Variants in CAPN10 observed in about 807,000 individuals in gnomAD.
The protein encoded by CAPN10 is calpain-10.
Under a neutral mutation model 78.4 loss-of-function variants are expected in CAPN10, and 71 were observed. The ratio of observed to expected loss-of-function variants is 0.91; its 90% CI spans 0.75 to 1.10. CAPN10 has a LOEUF of 1.10. Ranked by LOEUF, CAPN10 falls within the 50% of genes least tolerant of loss-of-function variation. The pLI is 0.00. For synonymous variants in CAPN10, 437 were observed against 407.2 expected (o/e 1.07, Z -0.88); for missense variants, 849 against 924.6 (o/e 0.92, Z 1.06).
Position 240,594,702 on chromosome 2 carries a change from C to A in CAPN10, c.990C>A (p.Leu330=), listed in dbSNP as rs1386974103. The change falls in exon 6 of 12, where the codon CTC becomes CTA. Residue 330 remains leucine (L), a synonymous_variant. Coordinates refer to ENST00000391984, the MANE Select transcript of CAPN10 (RefSeq NM_023083.4). ...PVTEAGHLQS[L]YTERLLCHTR... is the part of the protein sequence containing the mutation. ...CGGAGGCCGGCCACCTGCAGAGCCT[C>A]TACACAGGTAGTGCCCCGAGGGGCT... 3 of 1,612,954 alleles carry A rather than the reference C, an allele frequency of 1.9e-6. No homozygotes were observed. Among genetic ancestry groups the A allele is most frequent in the Non-Finnish European group, 2.5e-6 (3 of 1,179,724 alleles).
intron 1 of CAPN10, among the ~76,000 whole-genome samples, chr2:240,588,004 A>T (rs2093078799): frequency 6.6e-6 from 1 of 152,168 alleles, no homozygotes; most frequent in Non-Finnish European, 1.5e-5. Context: ...GACTGTTAGG[A>T]TGTGGGTTTG....
intron 5 of CAPN10, 144 bp from the exon 6 acceptor site, chr2:240,594,399 G>A: frequency 1.2e-6 from 1 of 808,046 alleles, no homozygotes; most frequent in South Asian, 1.7e-5. Flanking sequence ...TTCGGGTGTG[G>A]GAGGGGCTGC....
At position 240,591,835 on chromosome 2, in the gene CAPN10, A is replaced by T. The variant is rs2093103527; in HGVS notation, c.471-98A>T. Reference sequence around the variant, plus strand: ...GGGAGTAAAGAGGTGGGATTGAGGCAGCGGTTGGACGATTTGGGGTGCTAC... The same window carrying T: ...GGGAGTAAAGAGGTGGGATTGAGGCTGCGGTTGGACGATTTGGGGTGCTAC... On this transcript the variant is annotated intron_variant, in intron 3 of 11. Coordinates refer to ENST00000391984, the MANE Select transcript of CAPN10 (RefSeq NM_023083.4). The T allele has an allele frequency of 4.8e-6, 5 of 1,038,100 alleles. No individual in the cohort carries two copies. In the South Asian group the frequency reaches 6.0e-5, roughly 13 times the overall value. 64.3% of individuals were successfully genotyped at this position (1,038,100 alleles called of 1,614,324 possible).
intron 11 of CAPN10, 26 bp from the exon 12 acceptor site, chr2:240,598,624 GC>G: frequency 1.3e-6 from 2 of 1,569,520 alleles, no homozygotes; most frequent in Non-Finnish European, 1.7e-6. Flanking sequence ...TGCCACCGCT[GC>G]CCGGGCCCCC....
At chr2:240,594,785 C>G in intron 6 of CAPN10, 76 bp downstream of exon 6, 2 of 1,484,320 alleles carry the variant, frequency 1.3e-6, no homozygotes, top group Non-Finnish European at 1.8e-6. Context: ...GCCTGGGTTC[C>G]CCCTGCCCAG....
At position 240,586,747 on chromosome 2, in the gene CAPN10, G is replaced by A. The variant is rs922600957; in HGVS notation, c.-165G>A. 2 of 535,758 alleles carry A rather than the reference G, an allele frequency of 3.7e-6. No homozygotes were observed. The highest frequency in any genetic ancestry group is 5.7e-6 in the Non-Finnish European group (2 of 353,186). The allele number at this position is 535,758 out of a possible 1,614,324, so 33.2% of individuals were successfully genotyped here. Reference sequence around the variant, plus strand: ...GTTACCAATGGGAGACTAGCGGGCCGGCGTACTGGCCTGGTCCAGCACCTG... The same window carrying A: ...GTTACCAATGGGAGACTAGCGGGCCAGCGTACTGGCCTGGTCCAGCACCTG... On this transcript the variant is annotated 5_prime_UTR_variant, in exon 1 of 12. Transcript: ENST00000391984.
At position 240,589,465 on chromosome 2, in the gene CAPN10, C is replaced by T; in HGVS notation, c.264C>T (p.Leu88=). 1 of 1,612,670 alleles carries T rather than the reference C, an allele frequency of 6.2e-7. No individual in the cohort carries two copies. Among genetic ancestry groups the T allele is most frequent in the South Asian group, 1.1e-5 (1 of 91,040 alleles). ...CCGCGCTGCAGAAGAGCAGGCACCT[C>T]CTGGACCAGGTGCGGGGCCCCTTCC... ...ACAALQKSRH[L]LDQVIPPGQP... is the part of the protein sequence containing the mutation. The change falls in exon 2 of 12, where the codon CTC becomes CTT. Residue 88 remains leucine, a synonymous_variant. Transcript: ENST00000391984.
chr2:240,590,884 C>G lies in CAPN10; in HGVS notation c.343C>G (p.Gln115Glu). 1 of 1,614,236 alleles carries G rather than the reference C, an allele frequency of 6.2e-7. No homozygotes were observed. The highest frequency in any genetic ancestry group is 8.5e-7 in the Non-Finnish European group (1 of 1,180,044). ...YRGSFTCRIW[Q>E]FGRWVEVTTD... ...GGGCTCCTTCACCTGTCGCATTTGG[C>G]AGTTTGGACGCTGGGTGGAGGTGAC... Residue 115 changes from glutamine to glutamate, a missense_variant, in exon 3 of 12, where the codon CAG (glutamine) becomes GAG (glutamate). By Grantham distance (29) the Gln-to-Glu change is conservative (BLOSUM62 2). Transcript: ENST00000391984.
Position 240,598,054 on chromosome 2 carries a change from C to T in CAPN10, c.1910C>T (p.Ala637Val), listed in dbSNP as rs757147265. ...ACCTACCTGCCGGACACAGAGGGGG[C>T]CTTCACAGTGACCATCGCAACCAGG... ...PSTYLPDTEG[A>V]FTVTIATRID... is the part of the protein sequence containing the mutation. The change falls in exon 10 of 12, where the codon GCC becomes GTC. Residue 637 changes from alanine to valine, a missense_variant. Ala to Val is a moderately conservative substitution (Grantham distance 64). Coordinates refer to ENST00000391984, the MANE Select transcript of CAPN10 (RefSeq NM_023083.4). 6.2e-7 allele frequency: 1 copy of T among 1,611,726 alleles called. No individual in the cohort carries two copies. Among genetic ancestry groups the T allele is most frequent in the Non-Finnish European group, 8.5e-7 (1 of 1,178,774 alleles).
rs142113962 is a variant in CAPN10 at position 240,589,441 on chromosome 2, C to T, written c.240C>T (p.Ala80=). 28 of 1,613,832 alleles carry T rather than the reference C, an allele frequency of 1.7e-5. No homozygotes were observed. The highest frequency in any genetic ancestry group is 9.3e-5 in the African/African-American group (7 of 75,048). The change falls in exon 2 of 12, where the codon GCC becomes GCT. Residue 80 remains alanine (A), a synonymous_variant. Coordinates refer to ENST00000391984, the MANE Select transcript of CAPN10 (RefSeq NM_023083.4). The stretch of plus-strand genomic sequence containing the variant: ...ATTGCTGGTTCCTGTGTGCCTGCGC[C>T]GCGCTGCAGAAGAGCAGGCACCTCC... ...LGDCWFLCAC[A]ALQKSRHLLD...
chr2:240,589,236 A>T, intron 1 of CAPN10, 107 bp from the exon 2 acceptor site: 1 of 1,446,600 alleles, frequency 6.9e-7, no homozygotes, highest in Non-Finnish European at 9.7e-7. Context: ...AACACTGATG[A>T]TCGGAAAAGC....
Position 240,594,673 on chromosome 2 carries a change from G to GTCAC in CAPN10, c.962_965dup (p.Glu323HisfsTer55). ...TGACGAGCTCACCGTTGGCTACCCG[G>GTCAC]TCACGGAGGCCGGCCACCTGCAGAG... is the stretch of plus-strand genomic sequence containing the variant. On this transcript the variant is annotated frameshift_variant, in exon 6 of 12. Transcript: ENST00000391984. LOFTEE classifies it high-confidence loss of function. 2.5e-6 allele frequency: 4 copies of GTCAC among 1,613,494 alleles called. No individual in the cohort carries two copies. Among genetic ancestry groups the GTCAC allele is most frequent in the Non-Finnish European group, 3.4e-6 (4 of 1,179,926 alleles).
chr2:240,594,705 C>A lies in CAPN10; in HGVS notation c.993C>A (p.Tyr331Ter). 2 of 1,612,718 alleles carry A rather than the reference C, an allele frequency of 1.2e-6. No homozygotes were observed. The highest frequency in any genetic ancestry group is 1.7e-6 in the Non-Finnish European group (2 of 1,179,524). ...VTEAGHLQSL[Y>*]TERLLCHTRA... ...AGGCCGGCCACCTGCAGAGCCTCTACACAGGTAGTGCCCCGAGGGGCTGTG... is the reference window on the plus strand; with the variant it reads ...AGGCCGGCCACCTGCAGAGCCTCTAAACAGGTAGTGCCCCGAGGGGCTGTG... Residue 331 changes from tyrosine (Y) to a stop codon, truncating the protein, a stop_gained, in exon 6 of 12, where the codon TAC (tyrosine) becomes TAA (stop). Transcript: ENST00000391984. LOFTEE classifies it high-confidence loss of function.
intron 1 of CAPN10, 93 bp from the exon 2 acceptor site, chr2:240,589,250 A>G: frequency 6.5e-7 from 1 of 1,542,692 alleles, no homozygotes; most frequent in East Asian, 2.3e-5. Flanking sequence ...GAAAAGCTCC[A>G]CCCCAACTCC....
At position 240,596,786 on chromosome 2, in the gene CAPN10, G is replaced by T. The variant is rs760085751; in HGVS notation, c.1587G>T (p.Ala529=). ...GTTCTTGGAGAGTCGGCCAGACGGC[G>T]GGGGGCAGCAGGAACTTTGCCTCAT... The part of the protein sequence containing the change: ...LRGSWRVGQT[A]GGSRNFASYP... Residue 529 remains alanine, a synonymous_variant, in exon 9 of 12, where the codon GCG becomes GCT. Transcript: ENST00000391984. The T allele has an allele frequency of 6.2e-7, 1 of 1,612,698 alleles. No individual in the cohort carries two copies.
chr2:240,593,623 C>T (rs1224900505), intron 4 of CAPN10, among the ~76,000 whole-genome samples: 2 of 152,222 alleles, frequency 1.3e-5, no homozygotes, highest in African/African-American at 2.4e-5. Context: ...TGGGTACGGA[C>T]GATGACTGAG....
intron 1 of CAPN10, among the ~76,000 whole-genome samples, chr2:240,588,382 T>C (rs900628066): frequency 1.2e-4 from 19 of 152,074 alleles, no homozygotes; most frequent in African/African-American, 4.1e-4. Flanking sequence ...GGGCTGAGCC[T>C]TGAGGAACCC....
rs1559428199 is a variant in CAPN10 at position 240,598,605 on chromosome 2, A to C, written c.1990-46A>C. 3 of 1,558,738 alleles carry C rather than the reference A, an allele frequency of 1.9e-6. No individual in the cohort carries two copies. In the African/African-American group the frequency reaches 4.1e-5, roughly 21 times the overall value. ...GCTGCACTCGGGGTGGGGTGTGAGA[A>C]GGGGCGAGTGCCACCGCTGCCCGGG... On this transcript the variant is annotated intron_variant, in intron 11 of 11. Transcript: ENST00000391984.
intron 5 of CAPN10, 56 bp downstream of exon 5, chr2:240,594,103 TG>T: frequency 1.3e-6 from 2 of 1,501,330 alleles, no homozygotes; most frequent in Non-Finnish European, 1.8e-6. Context: ...AGTGCCAGTC[TG>T]GCCTGTGTCC....
Sources: gnomAD v4.1 joint callset for allele counts (sites outside exome capture counted in the v4.1 genomes callset) on GRCh38, gnomAD v4.1.1 for gene constraint, MANE v1.5 for transcripts, NCBI Gene and HGNC (gene_info 2026-07-23, HGNC 2026-07-21) for gene names.